The following POU2AF1 variants were observed in gnomAD, a reference collection of about 807,000 sequenced individuals.
The protein encoded by POU2AF1 is POU domain class 2-associating factor 1.
In POU2AF1, 12 loss-of-function variants were observed where a neutral mutation model predicts 26.3. The observed-to-expected ratio is 0.46, with a 90% CI of 0.29 to 0.74. POU2AF1 has a LOEUF of 0.74. Ranked by LOEUF, POU2AF1 falls within the 30% of genes least tolerant of loss-of-function variation. The probability of loss-of-function intolerance (pLI) is 0.09; values close to 1 mark genes in which losing one functional copy is unlikely to be tolerated. For synonymous variants in POU2AF1, 175 were observed against 148.0 expected (o/e 1.18, Z -1.32); for missense variants, 297 against 334.5 (o/e 0.89, Z 0.87).
chr11:111,357,747 A>G, intron 3 of POU2AF1, 37 bp from the exon 4 acceptor site: 1 of 1,612,164 alleles, frequency 6.2e-7, no homozygotes, highest in Non-Finnish European at 8.5e-7. Flanking sequence ...TTCAGATGCC[A>G]CCCAGATGAG....
intron 2 of POU2AF1, among the ~76,000 whole-genome samples, 152 bp downstream of exon 2, chr11:111,358,635 CA>C (rs1351666516): frequency 1.3e-5 from 2 of 151,458 alleles, no homozygotes; most frequent in Non-Finnish European, 3.0e-5. Flanking sequence ...CATTCTCTCT[CA>C]CACTATCACA....
intron 1 of POU2AF1, chr11:111,364,016 G>T (rs1861059539): frequency 1.0e-6 from 1 of 984,036 alleles, no homozygotes; most frequent in Non-Finnish European, 1.2e-6. Flanking sequence ...TGGAGTTTGA[G>T]GGGGAAAAAA....
intron 1 of POU2AF1, among the ~76,000 whole-genome samples, chr11:111,373,443 A>G (rs1861250078): frequency 6.6e-6 from 1 of 152,246 alleles, no homozygotes; most frequent in Admixed American, 6.5e-5. Flanking sequence ...AAATCTCCTC[A>G]GAGCATTCCA....
At chr11:111,363,576 G>C (rs1861051393) in intron 1 of POU2AF1, 6 of 649,520 alleles carry the variant, frequency 9.2e-6, no homozygotes, top group Non-Finnish European at 1.2e-5. Flanking sequence ...CTCACCTTGG[G>C]GATCCCGGAT....
At chr11:111,359,859 C>G (rs1860971416) in intron 1 of POU2AF1, 4 of 490,972 alleles carry the variant, frequency 8.1e-6, no homozygotes, top group South Asian at 5.9e-5. Flanking sequence ...TTGGGTGATT[C>G]TTTAAGACAT....
At chr11:111,370,996 T>C (rs1046147383) in intron 1 of POU2AF1, among the ~76,000 whole-genome samples, 11 of 152,246 alleles carry the variant, frequency 7.2e-5, no homozygotes, top group Admixed American at 1.3e-4. Context: ...TTTCCTTCTA[T>C]ACCTTTCCTT....
In POU2AF1 at chr11:111,354,718, C is replaced by T. The variant is rs543922038; in HGVS notation, c.457-143G>A. The T allele has an allele frequency of 1.8e-4, 132 of 751,696 alleles. 1 individual carries two copies. In the East Asian group the frequency reaches 4.0e-3, roughly 23 times the overall value. 46.6% of individuals were successfully genotyped at this position (751,696 alleles called of 1,614,324 possible). ...CTTCATGGGGCTCCACCTCCTCCTG[C>T]TCAAAGTCTTCCCCAAGGGAGGAGC... On this transcript the variant is annotated intron_variant, in intron 4 of 4. Transcript: ENST00000393067.
intron 1 of POU2AF1, among the ~76,000 whole-genome samples, chr11:111,370,152 AT>A (rs1861181400): frequency 6.6e-6 from 1 of 152,160 alleles, no homozygotes; most frequent in Non-Finnish European, 1.5e-5. Context: ...CTAACAATGG[AT>A]TCATGAGAAA....
At chr11:111,377,535 A>C (rs1234569179) in intron 1 of POU2AF1, among the ~76,000 whole-genome samples, 1 of 152,232 alleles carries the variant, frequency 6.6e-6, no homozygotes, top group African/African-American at 2.4e-5. Context: ...AGAGCAATGA[A>C]CATGACTTCG....
intron 1 of POU2AF1, chr11:111,377,843 G>T (rs1398838953): frequency 2.7e-5 from 5 of 184,412 alleles, no homozygotes; most frequent in Non-Finnish European, 5.8e-5. Context: ...GGCTGCCGCT[G>T]CTCCATCGCC....
intron 1 of POU2AF1, among the ~76,000 whole-genome samples, chr11:111,367,111 C>G (rs141623963): frequency 6.6e-6 from 1 of 152,284 alleles, no homozygotes; most frequent in Non-Finnish European, 1.5e-5. Context: ...CAGTGGCCCT[C>G]TAACCCTTCC....
chr11:111,377,314 A>G (rs531375778), intron 1 of POU2AF1, among the ~76,000 whole-genome samples: 1 of 152,178 alleles, frequency 6.6e-6, no homozygotes, highest in Admixed American at 6.5e-5. Context: ...CAGGAGGCAG[A>G]GGTTGCAGTG....
At position 111,353,716 on chromosome 11, in the gene POU2AF1, G is replaced by T; in HGVS notation, c.*545C>A. 4.0e-6 allele frequency: 1 copy of T among 249,340 alleles called. No homozygotes were observed. Among genetic ancestry groups the T allele is most frequent in the East Asian group, 6.0e-5 (1 of 16,670 alleles). 15.4% of individuals were successfully genotyped at this position (249,340 alleles called of 1,614,324 possible). A position where few individuals can be genotyped will look rare whatever the true frequency, so the allele number is the denominator to read the frequency against. ...AGAGGGTGTGAGTGACCCTAAGATG[G>T]TTCAGCAGGCACTGGAGGAAGGAGG... On this transcript the variant is annotated 3_prime_UTR_variant, in exon 5 of 5. Transcript: ENST00000393067.
intron 1 of POU2AF1, chr11:111,363,984 A>G: frequency 1.0e-6 from 1 of 985,414 alleles, no homozygotes; most frequent in Non-Finnish European, 1.2e-6. Context: ...TTGCCTTTCT[A>G]TACCACTGGA....
chr11:111,370,385 G>A (rs12146590), intron 1 of POU2AF1, among the ~76,000 whole-genome samples: 85,004 of 152,034 alleles, frequency 0.56, 24,382 homozygotes, highest in Admixed American at 0.65. Context: ...CACAGCTTCA[G>A]AGCTTGATGA....
intron 1 of POU2AF1, among the ~76,000 whole-genome samples, chr11:111,365,786 G>A (rs1861093601): frequency 6.6e-6 from 1 of 152,112 alleles, no homozygotes; most frequent in African/African-American, 2.4e-5. Flanking sequence ...GAACCCAGGA[G>A]GCAGAGGTTG....
chr11:111,376,848 C>T (rs1861318221), intron 1 of POU2AF1, among the ~76,000 whole-genome samples: 1 of 152,098 alleles, frequency 6.6e-6, no homozygotes, highest in African/African-American at 2.4e-5. Context: ...CCCTCTATAC[C>T]ACATACTTGG....
chr11:111,365,439 G>A (rs1861086839), intron 1 of POU2AF1, among the ~76,000 whole-genome samples: 1 of 152,030 alleles, frequency 6.6e-6, no homozygotes, highest in Non-Finnish European at 1.5e-5. Flanking sequence ...AGCCCAGAAG[G>A]ACATGTGACA....
intron 1 of POU2AF1, among the ~76,000 whole-genome samples, chr11:111,369,637 A>G (rs1032885782): frequency 6.6e-6 from 1 of 152,226 alleles, no homozygotes; most frequent in Non-Finnish European, 1.5e-5. Context: ...CATATTTGGC[A>G]TTGCCTCAAA....
Sources: gnomAD v4.1 joint callset for allele counts (sites outside exome capture counted in the v4.1 genomes callset) on GRCh38, gnomAD v4.1.1 for gene constraint, MANE v1.5 for transcripts, NCBI Gene and HGNC (gene_info 2026-07-23, HGNC 2026-07-21) for gene names.